MMS22L: variants seen among roughly 807,000 people sequenced by gnomAD.
MMS22L encodes MMS22 like, DNA repair protein, also known as protein MMS22-like.
Under a neutral mutation model 159.1 loss-of-function variants are expected in MMS22L, and 74 were observed. The ratio of observed to expected loss-of-function variants is 0.47; its 90% CI spans 0.39 to 0.56. The LOEUF (loss-of-function observed/expected upper bound fraction) is 0.56, where lower values mean the gene tolerates loss of function less well. Ranked by LOEUF, MMS22L falls within the 20% of genes least tolerant of loss-of-function variation. The probability of loss-of-function intolerance (pLI) is 0.00; values close to 1 mark genes in which losing one functional copy is unlikely to be tolerated. For synonymous variants in MMS22L, 517 were observed against 506.9 expected (o/e 1.02, Z -0.27); for missense variants, 1,351 against 1,422.1 (o/e 0.95, Z 0.80).
At chr6:97,185,159 A>G (rs1016568604) in intron 15 of MMS22L, among the ~76,000 whole-genome samples, 2 of 151,568 alleles carry the variant, frequency 1.3e-5, no homozygotes, top group Non-Finnish European at 2.9e-5. Context: ...TTCCTATCCT[A>G]TATTCCACTC....
intron 14 of MMS22L, among the ~76,000 whole-genome samples, chr6:97,189,312 C>G (rs1805601867): frequency 6.7e-6 from 1 of 149,324 alleles, no homozygotes; most frequent in Admixed American, 6.7e-5. Flanking sequence ...CTAATCCCAG[C>G]ATTTTGGGAG....
At position 97,272,988 on chromosome 6, in the gene MMS22L, C is replaced by G. The variant is rs780952027; in HGVS notation, c.415G>C (p.Val139Leu). ...QCVLFLHYVK[V>L]FIFRYLKVQN... The stretch of plus-strand genomic sequence containing the variant: ...CTGATATCCTACCTGAAGATGAAAA[C>G]TTTAACATAATGGAGAAATAGTACA... Residue 139 changes from valine (V) to leucine (L), a missense_variant, in exon 5 of 25, where the codon GTT becomes CTT. Physicochemically the swap from Val to Leu is conservative, Grantham distance 32 (BLOSUM62 1). Transcript: ENST00000683635. 6.2e-7 allele frequency: 1 copy of G among 1,612,756 alleles called. No homozygotes were observed. Among genetic ancestry groups the G allele is most frequent in the Non-Finnish European group, 8.5e-7 (1 of 1,179,672 alleles).
chr6:97,157,588 T>G (rs542134997), intron 22 of MMS22L, among the ~76,000 whole-genome samples: 37 of 152,340 alleles, frequency 2.4e-4, no homozygotes, highest in African/African-American at 8.7e-4. Context: ...ATGTGGTTTT[T>G]GTCATTGGTT....
intron 4 of MMS22L, among the ~76,000 whole-genome samples, chr6:97,276,618 C>T (rs768832476): frequency 6.6e-6 from 1 of 152,192 alleles, no homozygotes; most frequent in Non-Finnish European, 1.5e-5. Context: ...ATATTTAATC[C>T]ATGCTCTCTA....
intron 15 of MMS22L, among the ~76,000 whole-genome samples, chr6:97,185,609 T>C (rs1805147157): frequency 6.6e-6 from 1 of 152,152 alleles, no homozygotes; most frequent in Non-Finnish European, 1.5e-5. Context: ...CCTGTCACAA[T>C]TCTTTAATCT....
At chr6:97,167,994 C>T (rs1293153810) in intron 20 of MMS22L, 77 bp downstream of exon 20, 2 of 1,202,438 alleles carry the variant, frequency 1.7e-6, no homozygotes, top group African/African-American at 3.1e-5. Context: ...TTTAAATCTG[C>T]ATTTAGTAAA....
chr6:97,184,424 C>T (rs1047766592), intron 15 of MMS22L, among the ~76,000 whole-genome samples: 1 of 151,972 alleles, frequency 6.6e-6, no homozygotes, highest in Non-Finnish European at 1.5e-5. Flanking sequence ...CTAGCTTGGA[C>T]CTCTTCCTGA....
chr6:97,161,916 T>C (rs998950691), intron 22 of MMS22L, 86 bp downstream of exon 22: 4 of 1,282,140 alleles, frequency 3.1e-6, no homozygotes, highest in Non-Finnish European at 4.4e-6. Flanking sequence ...ACATATATTT[T>C]GTAACTATCC....
intron 4 of MMS22L, among the ~76,000 whole-genome samples, chr6:97,274,002 T>C (rs1197399987): frequency 6.6e-6 from 1 of 152,220 alleles, no homozygotes; most frequent in African/African-American, 2.4e-5. Flanking sequence ...AACGACCTTT[T>C]AATAGTTGCT....
chr6:97,273,873 T>TA (rs1385248679), intron 4 of MMS22L, among the ~76,000 whole-genome samples: 3 of 152,128 alleles, frequency 2.0e-5, no homozygotes, highest in African/African-American at 7.2e-5. Context: ...ATACACTAAG[T>TA]AAAAAATCTG....
intron 24 of MMS22L, among the ~76,000 whole-genome samples, chr6:97,148,135 T>C (rs1299748635): frequency 6.6e-6 from 1 of 152,196 alleles, no homozygotes; most frequent in African/African-American, 2.4e-5. Context: ...GTAGCCATTG[T>C]AATGTCTTAG....
In MMS22L at chr6:97,162,117, T is replaced by C; in HGVS notation, c.3270A>G (p.Ala1090=). Residue 1090 remains alanine, a synonymous_variant, in exon 22 of 25, where the codon GCA becomes GCG. Transcript: ENST00000683635. The part of the protein sequence containing the change: ...YKGSSPPPRL[A]SILAFILQLF... ...GTTGGAGGATGAAGGCCAGAATGGA[T>C]GCTAAGCGAGGAGGAGGTGAGGACC... The C allele has an allele frequency of 6.2e-7, 1 of 1,611,330 alleles. No homozygotes were observed. Among genetic ancestry groups the C allele is most frequent in the Non-Finnish European group, 8.5e-7 (1 of 1,178,810 alleles).
intron 22 of MMS22L, among the ~76,000 whole-genome samples, chr6:97,160,786 TCA>T (rs1802361868): frequency 6.6e-6 from 1 of 152,046 alleles, no homozygotes; most frequent in African/African-American, 2.4e-5. Context: ...TTCATTTTCT[TCA>T]TTTTTTTGTC....
chr6:97,243,924 C>T (rs1249127050), intron 11 of MMS22L, among the ~76,000 whole-genome samples: 1 of 152,076 alleles, frequency 6.6e-6, no homozygotes, highest in Non-Finnish European at 1.5e-5. Context: ...GATCTATCTT[C>T]AGGTCTCTCA....
intron 14 of MMS22L, among the ~76,000 whole-genome samples, chr6:97,214,254 C>T (rs1006601680): frequency 3.3e-5 from 5 of 152,120 alleles, no homozygotes; most frequent in African/African-American, 9.7e-5. Context: ...TTCCCCACAG[C>T]CTTGTATCTA....
At chr6:97,221,097 C>A (rs891830941) in intron 14 of MMS22L, among the ~76,000 whole-genome samples, 1 of 152,024 alleles carries the variant, frequency 6.6e-6, no homozygotes, top group African/African-American at 2.4e-5. Flanking sequence ...ATCTAACATT[C>A]ATTGAACACT....
intron 16 of MMS22L, among the ~76,000 whole-genome samples, chr6:97,181,360 T>C (rs1804687693): frequency 6.6e-6 from 1 of 152,138 alleles, no homozygotes; most frequent in Non-Finnish European, 1.5e-5. Flanking sequence ...TATTTTTTTT[T>C]CCAATGAGGT....
chr6:97,263,541 G>T, intron 8 of MMS22L, 93 bp from the exon 9 acceptor site: 1 of 548,076 alleles, frequency 1.8e-6, no homozygotes, highest in Non-Finnish European at 3.1e-6. Context: ...GAATGATTTA[G>T]ATGACTAAGA....
At chr6:97,195,606 A>G (rs1806408823) in intron 14 of MMS22L, among the ~76,000 whole-genome samples, 1 of 152,204 alleles carries the variant, frequency 6.6e-6, no homozygotes, top group Admixed American at 6.5e-5. Flanking sequence ...ACTCAGTGCT[A>G]GTCACTATGT....
Sources: gnomAD v4.1 joint callset for allele counts (sites outside exome capture counted in the v4.1 genomes callset) on GRCh38, gnomAD v4.1.1 for gene constraint, MANE v1.5 for transcripts, NCBI Gene and HGNC (gene_info 2026-07-23, HGNC 2026-07-21) for gene names.